The following HDAC6 variants were observed in gnomAD, a reference collection of about 807,000 sequenced individuals.
HDAC6 encodes histone deacetylase 6.
A neutral mutation model predicts 88.9 loss-of-function variants in HDAC6; 5 were observed. The ratio of observed to expected loss-of-function variants is 0.06; its 90% CI spans 0.03 to 0.12. The LOEUF (loss-of-function observed/expected upper bound fraction) is 0.12, where lower values mean the gene tolerates loss of function less well. Among genes scored for constraint, HDAC6 ranks in the 10% least tolerant of loss-of-function variants. The probability of loss-of-function intolerance (pLI) is 1.00; values close to 1 mark genes in which losing one functional copy is unlikely to be tolerated. For missense variants in HDAC6, 706 were observed against 1,014.4 expected, an observed-to-expected ratio of 0.70 and a Z score of 4.13; for synonymous variants, 378 against 398.0, an observed-to-expected ratio of 0.95 and a Z score of 0.60.
intron 19 of HDAC6, 46 bp downstream of exon 19, chrX:48,816,679 A>G (rs1557027782): frequency 1.8e-6 from 2 of 1,118,491 alleles, no homozygotes; most frequent in Non-Finnish European, 2.4e-6. Flanking sequence ...GGGGGAATGG[A>G]AAAAGAGAGC....
Position 48,824,575 on chromosome X carries a change from A to G in HDAC6, c.3611A>G (p.Gln1204Arg). ...ALLDVKNIAHQNKFGEDMPHP... is the reference protein window; with the variant it reads ...ALLDVKNIAHRNKFGEDMPHP... ...CTAGATGTGAAGAACATCGCCCACC[A>G]GAACAAGTTTGGGGAGGATATGCCC... Residue 1204 changes from glutamine (Q) to arginine (R), a missense_variant, in exon 29 of 29, where the codon CAG becomes CGG. Physicochemically the swap from Gln to Arg is conservative, Grantham distance 43 (BLOSUM62 1). Around this residue, in one of 9 missense-constraint regions of HDAC6, gnomAD observed 36 missense variants for 35.5 expected, o/e 1.01. Coordinates refer to ENST00000334136, the MANE Select transcript of HDAC6 (RefSeq NM_006044.4). 8.3e-7 allele frequency: 1 copy of G among 1,210,542 alleles called. No homozygotes were observed.
intron 1 of HDAC6, chrX:48,802,392 G>T: frequency 1.1e-6 from 1 of 889,103 alleles, no homozygotes; most frequent in Non-Finnish European, 1.5e-6. Context: ...TGTGAGCCCG[G>T]GGGCTCATTG....
At chrX:48,802,010 C>G (rs1274487544), upstream of HDAC6, 1 of 955,926 alleles carries the variant, frequency 1.0e-6, no homozygotes, top group Non-Finnish European at 1.3e-6. Context: ...CGGCTAGGGA[C>G]TGGCTGAAGA....
At position 48,815,391 on chromosome X, in the gene HDAC6, A is replaced by G; in HGVS notation, c.1157A>G (p.Tyr386Cys). 2 of 1,197,432 alleles carry G rather than the reference A, an allele frequency of 1.7e-6. No homozygotes were observed. The highest frequency in any genetic ancestry group is 2.3e-6 in the Non-Finnish European group (2 of 887,301). Residue 386 changes from tyrosine (Y) to cysteine (C), a missense_variant, in exon 15 of 29, where the codon TAC becomes TGC. Transcript: ENST00000334136. ...CACAACTCCTTGCCCCAGGGTGGCT[A>G]CAACCTCCGCGCCCTGGCTGAAGGC... is the stretch of plus-strand genomic sequence containing the variant. ...GKLILSLEGGYNLRALAEGVS... is the reference protein window; with the variant it reads ...GKLILSLEGGCNLRALAEGVS...
At position 48,802,994 on chromosome X, in the gene HDAC6, G is replaced by A. The variant is rs2062752695; in HGVS notation, c.217G>A (p.Gly73Arg). Residue 73 changes from glycine (G) to arginine (R), a missense_variant, in exon 3 of 29, where the codon GGG becomes AGG. Physicochemically the swap from Gly to Arg is moderately radical, Grantham distance 125. Coordinates refer to ENST00000334136, the MANE Select transcript of HDAC6 (RefSeq NM_006044.4). ...MEEDLIVGLQ[G>R]MDLNLEAEAL... ...AGAAGACCTAATCGTGGGACTGCAAGGGATGGTGAGCAGGGCCTGGCTGCA... is the reference window on the plus strand; with the variant it reads ...AGAAGACCTAATCGTGGGACTGCAAAGGATGGTGAGCAGGGCCTGGCTGCA... 1 of 1,210,733 alleles carries A rather than the reference G, an allele frequency of 8.3e-7. No individual in the cohort carries two copies. The highest frequency in any genetic ancestry group is 1.1e-6 in the Non-Finnish European group (1 of 894,787).
At chrX:48,811,393 T>C (rs782141748) in intron 10 of HDAC6, among the ~76,000 whole-genome samples, 1 of 112,679 alleles carries the variant, frequency 8.9e-6, no homozygotes, top group East Asian at 2.8e-4. Context: ...TTGGTCCTTC[T>C]CTTTTATGCT....
At position 48,815,891 on chromosome X, in the gene HDAC6, C is replaced by T. The variant is rs782145413; in HGVS notation, c.1332C>T (p.Thr444=). ...GTGGCCTCCCCCTTTTAGCTGAGAC[C>T]GTGGAGAGGGACAACATGGAGGAGG... ...FWEVLVRSTE[T]VERDNMEEDN... The change falls in exon 17 of 29, where the codon ACC becomes ACT. Residue 444 remains threonine (T), a synonymous_variant. Transcript: ENST00000334136. The T allele has an allele frequency of 5.8e-6, 7 of 1,207,552 alleles. No homozygotes were observed. Among genetic ancestry groups the T allele is most frequent in the Admixed American group, 2.2e-5 (1 of 45,569 alleles).
In HDAC6 at chrX:48,815,872, TC is replaced by T; in HGVS notation, c.1325-7del. The T allele has an allele frequency of 8.3e-7, 1 of 1,206,107 alleles. No individual in the cohort carries two copies. Among genetic ancestry groups the T allele is most frequent in the African/African-American group, 1.7e-5 (1 of 57,253 alleles). On this transcript the variant is annotated splice_polypyrimidine_tract_variant and intron_variant, in intron 16 of 28. Transcript: ENST00000334136. ...TTGAGAGGGTAGGACAAACGTGGCCTCCCCCTTTTAGCTGAGACCGTGGAGA... is the reference window on the plus strand; with the variant it reads ...TTGAGAGGGTAGGACAAACGTGGCCTCCCCTTTTAGCTGAGACCGTGGAGA...
chrX:48,808,733 TATAA>T (rs2062856431), intron 10 of HDAC6, among the ~76,000 whole-genome samples: 3 of 112,351 alleles, frequency 2.7e-5, no homozygotes, highest in South Asian at 3.6e-4. Flanking sequence ...AAAAAACAAA[TATAA>T]ATAAATAAAT....
intron 15 of HDAC6, 35 bp from the exon 16 acceptor site, chrX:48,815,540 A>T (rs782396821): frequency 2.5e-6 from 3 of 1,204,120 alleles, no homozygotes; most frequent in South Asian, 3.5e-5. Context: ...GCCCGCCCAC[A>T]TTCCTTGACA....
chrX:48,803,920 G>C (rs1182884690), intron 4 of HDAC6, among the ~76,000 whole-genome samples: 2 of 112,269 alleles, frequency 1.8e-5, no homozygotes, highest in African/African-American at 3.2e-5. Flanking sequence ...CCAGCACTTT[G>C]GGGGGGCCAA....
At position 48,802,161 on chromosome X, in the gene HDAC6, A is replaced by G. The variant is rs782373936; in HGVS notation, c.-31+19A>G. ...GTGGAAGGTACCGGTCCGGCCCGAT[A>G]AGGGGTGGAGTTAAGTGAATCGTTA... On this transcript the variant is annotated intron_variant, in intron 1 of 28. Transcript: ENST00000334136. The G allele has an allele frequency of 1.1e-3, 966 of 880,161 alleles. 8 individuals carry two copies. The highest frequency in any genetic ancestry group is 1.1e-3 in the Non-Finnish European group (773 of 713,522). 72.5% of individuals were successfully genotyped at this position (880,161 alleles called of 1,213,427 possible).
At position 48,823,571 on chromosome X, in the gene HDAC6, C is replaced by T. The variant is rs147207522; in HGVS notation, c.3172C>T (p.Leu1058=). ...TLIGSLRTLE[L]GSESQGASES... Reference sequence around the variant, plus strand: ...GATTGGGAGTCTCAGGACCTTGGAGCTAGGCAGCGAATCTCAGGTAAGGCT... The same window carrying T: ...GATTGGGAGTCTCAGGACCTTGGAGTTAGGCAGCGAATCTCAGGTAAGGCT... The change falls in exon 25 of 29, where the codon CTA becomes TTA. Residue 1058 remains leucine (L), a synonymous_variant. Coordinates refer to ENST00000334136, the MANE Select transcript of HDAC6 (RefSeq NM_006044.4). The T allele has an allele frequency of 2.4e-4, 288 of 1,206,197 alleles. 1 individual carries two copies. Among genetic ancestry groups the T allele is most frequent in the Non-Finnish European group, 3.9e-5 (35 of 892,998 alleles).
chrX:48,810,901 G>T (rs1480568277), intron 10 of HDAC6: 3 of 111,325 alleles, frequency 2.7e-5, no homozygotes, highest in Non-Finnish European at 5.7e-5. Flanking sequence ...TTATCTTCAA[G>T]CCCTTCTGTT....
chrX:48,812,228 T>C (rs782547787), intron 10 of HDAC6, among the ~76,000 whole-genome samples: 28 of 112,463 alleles, frequency 2.5e-4, no homozygotes, highest in Non-Finnish European at 4.9e-4. Flanking sequence ...TTCAGTGCAT[T>C]CTTCCTTATT....
In HDAC6 at chrX:48,805,623, C is replaced by T. The variant is rs1557023994; in HGVS notation, c.397-8C>T. ...CTTTACCCCACTTTATTCCTCATCT[C>T]TCCCCAGGCCCGGTTTGCTGAAAAG... On this transcript the variant is annotated splice_polypyrimidine_tract_variant and splice_region_variant and intron_variant, in intron 5 of 28. Transcript: ENST00000334136. 2.5e-6 allele frequency: 3 copies of T among 1,184,962 alleles called. No individual in the cohort carries two copies. The highest frequency in any genetic ancestry group is 3.4e-6 in the Non-Finnish European group (3 of 880,849).
chrX:48,809,799 C>CT (rs1298241261), intron 10 of HDAC6, among the ~76,000 whole-genome samples: 1 of 104,289 alleles, frequency 9.6e-6, no homozygotes, highest in African/African-American at 3.5e-5. Context: ...GAGACCCCAT[C>CT]TAAAAAAAAA....
At position 48,818,362 on chromosome X, in the gene HDAC6, G is replaced by A. The variant is rs1557028515; in HGVS notation, c.2137G>A (p.Ala713Thr). ...VAWNGPRMGD[A>T]DYLAAWHRLV... ...ATGGAACGGGCCCCGCATGGGTGATGCTGACTACCTAGCTGCCTGGCATCG... is the reference window on the plus strand; with the variant it reads ...ATGGAACGGGCCCCGCATGGGTGATACTGACTACCTAGCTGCCTGGCATCG... The change falls in exon 22 of 29, where the codon GCT (alanine) becomes ACT (threonine). Residue 713 changes from alanine to threonine, a missense_variant. This residue lies in a region of HDAC6 where 138 missense variants were observed against 303.5 expected (regional missense o/e 0.45). Coordinates refer to ENST00000334136, the MANE Select transcript of HDAC6 (RefSeq NM_006044.4). 1.7e-6 allele frequency: 2 copies of A among 1,196,488 alleles called. No individual in the cohort carries two copies. The highest frequency in any genetic ancestry group is 2.3e-6 in the Non-Finnish European group (2 of 887,289).
At position 48,805,477 on chromosome X, in the gene HDAC6, G is replaced by A. The variant is rs1476360403; in HGVS notation, c.351G>A (p.Glu117=). 4 of 1,210,635 alleles carry A rather than the reference G, an allele frequency of 3.3e-6. No homozygotes were observed. The highest frequency in any genetic ancestry group is 3.0e-5 in the East Asian group (1 of 33,792). The change falls in exon 5 of 29, where the codon GAG becomes GAA. Residue 117 remains glutamate, a synonymous_variant. Coordinates refer to ENST00000334136, the MANE Select transcript of HDAC6 (RefSeq NM_006044.4). The part of the protein sequence containing the change: ...EGPERLHAIK[E]QLIQEGLLDR... Reference sequence around the variant, plus strand: ...CTGAGCGGCTCCATGCCATCAAGGAGCAACTGATCCAGGAGGGCCTCCTAG... The same window carrying A: ...CTGAGCGGCTCCATGCCATCAAGGAACAACTGATCCAGGAGGGCCTCCTAG...
Sources: allele counts gnomAD v4.1 joint callset (sites outside exome capture counted in the v4.1 genomes callset), GRCh38; gene constraint gnomAD v4.1.1; regional missense constraint gnomAD v4.1.1; transcripts MANE v1.5; gene names NCBI Gene and HGNC (gene_info 2026-07-23, HGNC 2026-07-21).